The following CLSTN2 variants were observed in gnomAD, a reference collection of about 807,000 sequenced individuals.
The protein encoded by CLSTN2 is calsyntenin 2.
A neutral mutation model predicts 101.2 loss-of-function variants in CLSTN2; 48 were observed. That is an observed-to-expected ratio of 0.47 (90% CI 0.38 to 0.60). The LOEUF (loss-of-function observed/expected upper bound fraction) is 0.60, where lower values mean the gene tolerates loss of function less well. CLSTN2 is among the 20% of genes least tolerant of loss of function. The probability of loss-of-function intolerance (pLI) is 0.00; values close to 1 mark genes in which losing one functional copy is unlikely to be tolerated. For synonymous variants in CLSTN2, 481 were observed against 463.6 expected (o/e 1.04, Z -0.48); for missense variants, 1,160 against 1,238.2 (o/e 0.94, Z 0.95).
At chr3:140,503,845 G>A (rs1467999217) in intron 8 of CLSTN2, among the ~76,000 whole-genome samples, 1 of 152,160 alleles carries the variant, frequency 6.6e-6, no homozygotes, top group Admixed American at 6.5e-5. Context: ...GAGGACCTAG[G>A]ACCCACAGTA....
intron 1 of CLSTN2, among the ~76,000 whole-genome samples, chr3:139,936,958 C>T (rs747396344): frequency 6.6e-6 from 1 of 151,840 alleles, no homozygotes; most frequent in Admixed American, 6.6e-5. Context: ...TCTCAGAGTG[C>T]GGTAAAGAAG....
intron 1 of CLSTN2, among the ~76,000 whole-genome samples, chr3:140,104,329 G>A (rs1046742027): frequency 2.6e-5 from 4 of 152,176 alleles, no homozygotes; most frequent in Admixed American, 6.6e-5. Context: ...GAAGATCATT[G>A]TTCTTCTCCA....
intron 2 of CLSTN2, among the ~76,000 whole-genome samples, chr3:140,259,836 C>T (rs1379548894): frequency 1.3e-5 from 2 of 151,762 alleles, no homozygotes; most frequent in African/African-American, 2.4e-5. Flanking sequence ...AGTAATATTC[C>T]ATTGTATGGA....
At chr3:140,225,877 T>A (rs375988767) in intron 2 of CLSTN2, among the ~76,000 whole-genome samples, 1 of 151,936 alleles carries the variant, frequency 6.6e-6, no homozygotes, top group South Asian at 2.1e-4. Flanking sequence ...TTTTGGCCAA[T>A]AATGACCAAG....
At chr3:140,059,243 C>T (rs2008154412) in intron 1 of CLSTN2, among the ~76,000 whole-genome samples, 1 of 152,246 alleles carries the variant, frequency 6.6e-6, no homozygotes, top group African/African-American at 2.4e-5. Flanking sequence ...TACCTGGAAC[C>T]ACCCATGATA....
At chr3:140,390,522 A>G (rs535307868) in intron 2 of CLSTN2, among the ~76,000 whole-genome samples, 1 of 152,330 alleles carries the variant, frequency 6.6e-6, no homozygotes, top group Admixed American at 6.5e-5. Flanking sequence ...GTCCCAGCAT[A>G]TGGTCTTTAT....
intron 2 of CLSTN2, among the ~76,000 whole-genome samples, chr3:140,198,875 G>A (rs1051364395): frequency 2.0e-5 from 3 of 152,182 alleles, no homozygotes; most frequent in African/African-American, 4.8e-5. Flanking sequence ...GGAGGTTAAC[G>A]TAGGTATGGA....
intron 8 of CLSTN2, among the ~76,000 whole-genome samples, chr3:140,499,006 C>A (rs80169769): frequency 0.093 from 13,959 of 150,904 alleles, 739 homozygotes; most frequent in Middle Eastern, 0.16. Context: ...ATCATTATAT[C>A]AAAATAATAA....
chr3:140,155,298 G>A lies in CLSTN2; in HGVS notation c.110-20653G>A, dbSNP rs76514662. 7.5e-3 allele frequency among the ~76,000 whole-genome samples: 1,140 copies of A among 152,294 alleles called. 14 individuals are homozygous for A. The highest frequency in any genetic ancestry group is 0.026 in the African/African-American group (1,085 of 41,548). ...GTTTTACTGTGTTGGTGTAGGAATG[G>A]CAAAACTTGCTGATAAATTATGTAT... On this transcript the variant is annotated intron_variant, in intron 1 of 16. Coordinates refer to ENST00000458420, the MANE Select transcript of CLSTN2 (RefSeq NM_022131.3).
chr3:139,948,665 C>T (rs890185237), intron 1 of CLSTN2, among the ~76,000 whole-genome samples: 3 of 152,098 alleles, frequency 2.0e-5, no homozygotes, highest in Non-Finnish European at 4.4e-5. Context: ...GTCTTTAGTA[C>T]AGTGCTTTTA....
At position 140,204,833 on chromosome 3, in the gene CLSTN2, G is replaced by C. The variant is rs990826245; in HGVS notation, c.232+28760G>C. 1.4e-4 allele frequency among the ~76,000 whole-genome samples: 21 copies of C among 152,316 alleles called. No individual in the cohort carries two copies. In the East Asian group the frequency reaches 4.1e-3, roughly 29 times the overall value. Reference sequence around the variant, plus strand: ...CCACAGGCAGCTGAACTGCAGTGGAGGTTGTAATTGTCAGGTCTGTCTGTC... The same window carrying C: ...CCACAGGCAGCTGAACTGCAGTGGACGTTGTAATTGTCAGGTCTGTCTGTC... On this transcript the variant is annotated intron_variant, in intron 2 of 16. Transcript: ENST00000458420.
chr3:140,047,841 A>G (rs1329280061), intron 1 of CLSTN2, among the ~76,000 whole-genome samples: 1 of 152,180 alleles, frequency 6.6e-6, no homozygotes, highest in African/African-American at 2.4e-5. Context: ...CTTATGACCC[A>G]ATCACCTTTT....
At chr3:139,944,902 A>G (rs1334274278) in intron 1 of CLSTN2, among the ~76,000 whole-genome samples, 2 of 152,238 alleles carry the variant, frequency 1.3e-5, no homozygotes, top group Non-Finnish European at 2.9e-5. Flanking sequence ...CGTCAAGAGA[A>G]CATTAACCAC....
chr3:140,511,181 G>A (rs959414094), intron 8 of CLSTN2, among the ~76,000 whole-genome samples: 4 of 152,024 alleles, frequency 2.6e-5, no homozygotes, highest in South Asian at 2.1e-4. Context: ...CATCCATGTC[G>A]CTGCAAAGGA....
intron 8 of CLSTN2, among the ~76,000 whole-genome samples, chr3:140,501,355 T>G (rs2107762484): frequency 6.6e-6 from 1 of 152,332 alleles, no homozygotes; most frequent in East Asian, 1.9e-4. Flanking sequence ...AACTTCCTCA[T>G]ACCAGTCCTC....
At chr3:140,241,935 T>C (rs924840394) in intron 2 of CLSTN2, among the ~76,000 whole-genome samples, 3 of 147,924 alleles carry the variant, frequency 2.0e-5, no homozygotes, top group African/African-American at 7.6e-5. Flanking sequence ...TGACACAGAG[T>C]GTCACTTTGT....
At chr3:139,967,412 C>T (rs1052599505) in intron 1 of CLSTN2, among the ~76,000 whole-genome samples, 2 of 152,218 alleles carry the variant, frequency 1.3e-5, no homozygotes. Context: ...AAGCTGCCAA[C>T]TAGTGGGCAC....
chr3:140,288,125 ACCGG>A (rs147991872), intron 2 of CLSTN2, among the ~76,000 whole-genome samples: 6,374 of 148,658 alleles, frequency 0.043, 221 homozygotes, highest in African/African-American at 0.096. Flanking sequence ...AGAACAGGAA[ACCGG>A]CGGGGGGGGT....
intron 1 of CLSTN2, among the ~76,000 whole-genome samples, chr3:140,052,198 G>A (rs187688109): frequency 1.1e-3 from 164 of 152,038 alleles, no homozygotes; most frequent in African/African-American, 3.6e-3. Flanking sequence ...TCGCTCTGTC[G>A]CCCAGGCTGG....
Sources: gnomAD v4.1 joint callset for allele counts (sites outside exome capture counted in the v4.1 genomes callset) on GRCh38, gnomAD v4.1.1 for gene constraint, MANE v1.5 for transcripts, NCBI Gene and HGNC (gene_info 2026-07-23, HGNC 2026-07-21) for gene names.